H3-3B: variants seen among roughly 807,000 people sequenced by gnomAD.
H3-3B encodes the protein H3.3 histone B, also known as histone H3.3.
H3-3B carries 2 observed loss-of-function variants against 13.1 expected under a neutral mutation model. That is an observed-to-expected ratio of 0.15 (90% CI 0.06 to 0.48). The LOEUF (loss-of-function observed/expected upper bound fraction) is 0.48. Among genes scored for constraint, H3-3B ranks in the 20% least tolerant of loss-of-function variants. H3-3B has a pLI of 0.97. For synonymous variants in H3-3B, 133 were observed against 75.8 expected, an observed-to-expected ratio of 1.76 and a Z score of -3.92; for missense variants, 39 against 186.0, an observed-to-expected ratio of 0.21 and a Z score of 4.60.
rs1428811168 is a variant in H3-3B at position 75,778,305 on chromosome 17, G to A, written c.*290C>T. 5.1e-6 allele frequency: 2 copies of A among 393,640 alleles called. No homozygotes were observed. Among genetic ancestry groups the A allele is most frequent in the African/African-American group, 2.1e-5 (1 of 48,710 alleles). 24.4% of individuals were successfully genotyped at this position (393,640 alleles called of 1,614,324 possible). On this transcript the variant is annotated 3_prime_UTR_variant, in exon 4 of 4. Transcript: ENST00000254810. ...ACCCTGTACACATTTATCAACTCTA[G>A]TACCTTAATAGCTACCCAACAAGTC...
rs1599342703 is a variant in H3-3B at position 75,777,985 on chromosome 17, A to G, written c.*610T>C. ...CAGAAGAAAACCAACTGGACTCTAAATTACACACACCTTAATGACAAGACT... is the reference window on the plus strand; with the variant it reads ...CAGAAGAAAACCAACTGGACTCTAAGTTACACACACCTTAATGACAAGACT... On this transcript the variant is annotated 3_prime_UTR_variant, in exon 4 of 4. Transcript: ENST00000254810. 6.5e-6 allele frequency: 1 copy of G among 152,688 alleles called. No homozygotes were observed. Among genetic ancestry groups the G allele is most frequent in the African/African-American group, 2.4e-5 (1 of 41,442 alleles). The allele number at this position is 152,688 out of a possible 1,614,324, so 9.5% of individuals were successfully genotyped here.
rs958599973 is a variant in H3-3B, at chr17:75,777,277, T to C, written c.*1318A>G. 6.6e-6 allele frequency: 1 copy of C among 152,254 alleles called. No homozygotes were observed. Among genetic ancestry groups the C allele is most frequent in the Non-Finnish European group, 1.5e-5 (1 of 68,042 alleles). 9.4% of individuals were successfully genotyped at this position (152,254 alleles called of 1,614,324 possible). A position where few individuals can be genotyped will look rare whatever the true frequency, so the allele number is the denominator to read the frequency against. ...CCACACTGCAAATACAGCACTATTA[T>C]GGCATCTTAATCAAGCAGAGAGCTG... On this transcript the variant is annotated 3_prime_UTR_variant, in exon 4 of 4. Transcript: ENST00000254810.
chr17:75,777,654 AC>A lies in H3-3B; in HGVS notation c.*940del, dbSNP rs36091349. On this transcript the variant is annotated 3_prime_UTR_variant, in exon 4 of 4. Transcript: ENST00000254810. ...CTGGAGTTTTGTGCTCCTCCCCCAC[AC>A]CAAGTTTTTATAATACAAATGCCAC... The A allele has an allele frequency of 0.037, 5,602 of 152,566 alleles. 393 individuals carry two copies. The highest frequency in any genetic ancestry group is 0.35 in the East Asian group (1,799 of 5,176). 9.5% of individuals were successfully genotyped at this position (152,566 alleles called of 1,614,324 possible). A position where few individuals can be genotyped will look rare whatever the true frequency, so the allele number is the denominator to read the frequency against.
At position 75,777,103 on chromosome 17, in the gene H3-3B, C is replaced by T. The variant is rs2061641607; in HGVS notation, c.*1492G>A. 6.6e-6 allele frequency: 1 copy of T among 152,202 alleles called. No individual in the cohort carries two copies. The highest frequency in any genetic ancestry group is 1.5e-5 in the Non-Finnish European group (1 of 68,036). The allele number at this position is 152,202 out of a possible 1,614,324, so 9.4% of individuals were successfully genotyped here. A position where few individuals can be genotyped will look rare whatever the true frequency, so the allele number is the denominator to read the frequency against. ...GCTGGCTCTCATGCTGTCTCACTGA[C>T]ATCCACGTACTATGCTTTAGTGGCC... On this transcript the variant is annotated 3_prime_UTR_variant, in exon 4 of 4. Transcript: ENST00000254810.
At chr17:75,779,418 T>C (rs1599344130) in intron 1 of H3-3B, 1 of 320,854 alleles carries the variant, frequency 3.1e-6, no homozygotes, top group Non-Finnish European at 5.6e-6. Context: ...GTCACTTCCC[T>C]TCCTCGACGG....
rs1291920055 is a variant in H3-3B, at chr17:75,777,534, A to C, written c.*1061T>G. 6.6e-6 allele frequency: 1 copy of C among 152,638 alleles called. No individual in the cohort carries two copies. The highest frequency in any genetic ancestry group is 1.9e-4 in the East Asian group (1 of 5,206). 9.5% of individuals were successfully genotyped at this position (152,638 alleles called of 1,614,324 possible). A position where few individuals can be genotyped will look rare whatever the true frequency, so the allele number is the denominator to read the frequency against. ...AAAAACTTCAGTAAATTTTAAAACC[A>C]CTTGGAAGGCCATCTCTATAAAAAT... On this transcript the variant is annotated 3_prime_UTR_variant, in exon 4 of 4. Coordinates refer to ENST00000254810, the MANE Select transcript of H3-3B (RefSeq NM_005324.5).
Position 75,778,498 on chromosome 17 carries a change from G to C in H3-3B, c.*97C>G, listed in dbSNP as rs114101069. On this transcript the variant is annotated 3_prime_UTR_variant, in exon 4 of 4. Transcript: ENST00000254810. Reference sequence around the variant, plus strand: ...AAGATGGAATGACTTAAGTACAAATGCAACATATTATAAACAATTTCTTAC... The same window carrying C: ...AAGATGGAATGACTTAAGTACAAATCCAACATATTATAAACAATTTCTTAC... The C allele has an allele frequency of 7.4e-6, 11 of 1,486,658 alleles. No homozygotes were observed. In the South Asian group the frequency reaches 9.1e-5, roughly 12 times the overall value. 92.1% of individuals were successfully genotyped at this position (1,486,658 alleles called of 1,614,324 possible).
chr17:75,778,474 A>G lies in H3-3B; in HGVS notation c.*121T>C. ...ACTTTTCGCATTCATCCTGAGTGAA[A>G]GATGGAATGACTTAAGTACAAATGC... is the stretch of plus-strand genomic sequence containing the variant. On this transcript the variant is annotated 3_prime_UTR_variant, in exon 4 of 4. Coordinates refer to ENST00000254810, the MANE Select transcript of H3-3B (RefSeq NM_005324.5). The G allele has an allele frequency of 7.3e-7, 1 of 1,367,516 alleles. No homozygotes were observed. Among genetic ancestry groups the G allele is most frequent in the Non-Finnish European group, 1.0e-6 (1 of 993,712 alleles). The allele number at this position is 1,367,516 out of a possible 1,614,324, so 84.7% of individuals were successfully genotyped here. A position where few individuals can be genotyped will look rare whatever the true frequency, so the allele number is the denominator to read the frequency against.
chr17:75,778,393 A>C lies in H3-3B; in HGVS notation c.*202T>G. ...GTATCACCCATCCCTTCTGCATATT[A>C]GCAACTTGTCACTCCTGAGCAACAG... On this transcript the variant is annotated 3_prime_UTR_variant, in exon 4 of 4. Coordinates refer to ENST00000254810, the MANE Select transcript of H3-3B (RefSeq NM_005324.5). 3 of 646,306 alleles carry C rather than the reference A, an allele frequency of 4.6e-6. No individual in the cohort carries two copies. Among genetic ancestry groups the C allele is most frequent in the Non-Finnish European group, 7.8e-6 (3 of 383,772 alleles). The allele number at this position is 646,306 out of a possible 1,614,324, so 40.0% of individuals were successfully genotyped here.
At position 75,777,494 on chromosome 17, in the gene H3-3B, A is replaced by C. The variant is rs1165285920; in HGVS notation, c.*1101T>G. On this transcript the variant is annotated 3_prime_UTR_variant, in exon 4 of 4. Transcript: ENST00000254810. ...AAGTTTATTTGTAAATTTAGTCAAC[A>C]TACATAATTGACCTAAAAACTTCAG... 6.6e-6 allele frequency: 1 copy of C among 152,664 alleles called. No individual in the cohort carries two copies. Among genetic ancestry groups the C allele is most frequent in the African/African-American group, 2.4e-5 (1 of 41,458 alleles). The allele number at this position is 152,664 out of a possible 1,614,324, so 9.5% of individuals were successfully genotyped here.
rs1220931347 is a variant in H3-3B at position 75,777,651 on chromosome 17, C to G, written c.*944G>C. On this transcript the variant is annotated 3_prime_UTR_variant, in exon 4 of 4. Coordinates refer to ENST00000254810, the MANE Select transcript of H3-3B (RefSeq NM_005324.5). The stretch of plus-strand genomic sequence containing the variant: ...GGGCTGGAGTTTTGTGCTCCTCCCC[C>G]ACACCAAGTTTTTATAATACAAATG... 6.6e-6 allele frequency: 1 copy of G among 151,410 alleles called. No homozygotes were observed. The highest frequency in any genetic ancestry group is 1.5e-5 in the Non-Finnish European group (1 of 67,978). 9.4% of individuals were successfully genotyped at this position (151,410 alleles called of 1,614,324 possible).
chr17:75,778,753 C>A (rs746898890), intron 3 of H3-3B, 30 bp from the exon 4 acceptor site: 1 of 1,614,174 alleles, frequency 6.2e-7, no homozygotes, highest in Non-Finnish European at 8.5e-7. Context: ...CACTATTAAT[C>A]CCACTCGGGG....
At position 75,777,454 on chromosome 17, in the gene H3-3B, C is replaced by T. The variant is rs749728569; in HGVS notation, c.*1141G>A. The stretch of plus-strand genomic sequence containing the variant: ...GTACATTCAATTTAGGTTTTGGACA[C>T]TTAGTTGGATAAACAAGTTTATTTG... On this transcript the variant is annotated 3_prime_UTR_variant, in exon 4 of 4. Coordinates refer to ENST00000254810, the MANE Select transcript of H3-3B (RefSeq NM_005324.5). 1 of 152,732 alleles carries T rather than the reference C, an allele frequency of 6.5e-6. No individual in the cohort carries two copies. Among genetic ancestry groups the T allele is most frequent in the African/African-American group, 2.4e-5 (1 of 41,544 alleles). The allele number at this position is 152,732 out of a possible 1,614,324, so 9.5% of individuals were successfully genotyped here.
At position 75,777,114 on chromosome 17, in the gene H3-3B, T is replaced by C. The variant is rs1477564038; in HGVS notation, c.*1481A>G. ...TGCTGTCTCACTGACATCCACGTAC[T>C]ATGCTTTAGTGGCCATCATCGCACA... On this transcript the variant is annotated 3_prime_UTR_variant, in exon 4 of 4. Coordinates refer to ENST00000254810, the MANE Select transcript of H3-3B (RefSeq NM_005324.5). 5 of 152,318 alleles carry C rather than the reference T, an allele frequency of 3.3e-5. No homozygotes were observed. In the East Asian group the frequency reaches 5.8e-4, roughly 18 times the overall value. 9.4% of individuals were successfully genotyped at this position (152,318 alleles called of 1,614,324 possible).
chr17:75,776,693 A>G lies in H3-3B; in HGVS notation c.*1902T>C, dbSNP rs2061638881. On this transcript the variant is annotated 3_prime_UTR_variant, in exon 4 of 4. Coordinates refer to ENST00000254810, the MANE Select transcript of H3-3B (RefSeq NM_005324.5). ...AAGAGCCTTCTATGCCAGCCTGCAGACTGGAGAAGGTTCACTAGTGTCACC... is the reference window on the plus strand; with the variant it reads ...AAGAGCCTTCTATGCCAGCCTGCAGGCTGGAGAAGGTTCACTAGTGTCACC... 6.6e-6 allele frequency: 1 copy of G among 152,242 alleles called. No homozygotes were observed. The allele number at this position is 152,242 out of a possible 1,614,324, so 9.4% of individuals were successfully genotyped here.
rs896000081 is a variant in H3-3B at position 75,778,900 on chromosome 17, C to G, written c.192G>C (p.Arg64=). The change falls in exon 3 of 4, where the codon CGG becomes CGC. Residue 64 remains arginine, a synonymous_variant. Coordinates refer to ENST00000254810, the MANE Select transcript of H3-3B (RefSeq NM_005324.5). ...RYQKSTELLI[R]KLPFQRLVRE... Reference sequence around the variant, plus strand: ...TCACCAACCTCTGGAAGGGCAGCTTCCGGATGAGCAGCTCGGTCGACTTCT... The same window carrying G: ...TCACCAACCTCTGGAAGGGCAGCTTGCGGATGAGCAGCTCGGTCGACTTCT... 1.2e-6 allele frequency: 2 copies of G among 1,614,188 alleles called. No individual in the cohort carries two copies. Among genetic ancestry groups the G allele is most frequent in the East Asian group, 2.2e-5 (1 of 44,880 alleles).
Position 75,778,005 on chromosome 17 carries a change from A to G in H3-3B, c.*590T>C, listed in dbSNP as rs1291328825. On this transcript the variant is annotated 3_prime_UTR_variant, in exon 4 of 4. Transcript: ENST00000254810. ...TCTAAATTACACACACCTTAATGAC[A>G]AGACTCCCCACCACTTGTGAATGTA... The G allele has an allele frequency of 6.5e-6, 1 of 152,722 alleles. No homozygotes were observed. Among genetic ancestry groups the G allele is most frequent in the Non-Finnish European group, 1.5e-5 (1 of 68,094 alleles). The allele number at this position is 152,722 out of a possible 1,614,324, so 9.5% of individuals were successfully genotyped here.
Position 75,776,654 on chromosome 17 carries a change from GCCCAATATAATCTAAGAGCCTT to G in H3-3B, c.*1919_*1940del, listed in dbSNP as rs2061638780. 6.6e-6 allele frequency: 1 copy of G among 152,202 alleles called. No individual in the cohort carries two copies. The highest frequency in any genetic ancestry group is 6.5e-5 in the Admixed American group (1 of 15,278). The allele number at this position is 152,202 out of a possible 1,614,324, so 9.4% of individuals were successfully genotyped here. A position where few individuals can be genotyped will look rare whatever the true frequency, so the allele number is the denominator to read the frequency against. On this transcript the variant is annotated 3_prime_UTR_variant, in exon 4 of 4. Transcript: ENST00000254810. ...TCACTGCTTCGGCAGATTGCAAGCT[GCCCAATATAATCTAAGAGCCTT>G]CTATGCCAGCCTGCAGACTGGAGAA...
rs1299848875 is a variant in H3-3B at position 75,778,137 on chromosome 17, A to G, written c.*458T>C. Reference sequence around the variant, plus strand: ...GGTTTACTTTTTTTTTTTTTAAAGGAAACTGTAAGTTACACTGTGGTTAAG... The same window carrying G: ...GGTTTACTTTTTTTTTTTTTAAAGGGAACTGTAAGTTACACTGTGGTTAAG... On this transcript the variant is annotated 3_prime_UTR_variant, in exon 4 of 4. Coordinates refer to ENST00000254810, the MANE Select transcript of H3-3B (RefSeq NM_005324.5). The G allele has an allele frequency of 6.5e-6, 1 of 153,320 alleles. No individual in the cohort carries two copies. Among genetic ancestry groups the G allele is most frequent in the African/African-American group, 2.4e-5 (1 of 41,322 alleles). 9.5% of individuals were successfully genotyped at this position (153,320 alleles called of 1,614,324 possible). A position where few individuals can be genotyped will look rare whatever the true frequency, so the allele number is the denominator to read the frequency against.
Sources: gnomAD v4.1 joint callset for allele counts on GRCh38, gnomAD v4.1.1 for gene constraint, MANE v1.5 for transcripts, NCBI Gene and HGNC (gene_info 2026-07-23, HGNC 2026-07-21) for gene names.